Variants in ZNF782 observed in about 807,000 individuals in gnomAD.
ZNF782 encodes zinc finger protein 782.
Under a neutral mutation model 13.0 loss-of-function variants are expected in ZNF782, and 12 were observed. The ratio of observed to expected loss-of-function variants is 0.92; its 90% CI spans 0.59 to 1.50. The LOEUF (loss-of-function observed/expected upper bound fraction) is 1.50. Ranked by LOEUF, ZNF782 falls within the 40% of genes most tolerant of loss-of-function variation. The pLI is 0.00. For missense variants in ZNF782, 770 were observed against 822.9 expected, an observed-to-expected ratio of 0.94 and a Z score of 0.79; for synonymous variants, 284 against 283.0, an observed-to-expected ratio of 1.00 and a Z score of -0.04.
Position 96,818,503 on chromosome 9 carries a change from T to A in ZNF782, c.1520A>T (p.Lys507Ile). Residue 507 changes from lysine to isoleucine, a missense_variant, in exon 6 of 6, where the codon AAA becomes ATA. Transcript: ENST00000481138. ...RRTHTGERPY[K>I]CDECGKAFKL... ...GAAAGCTTTCCCACATTCATCACAT[T>A]TATATGGTCTTTCCCCTGTGTGAGT... 1 of 1,614,072 alleles carries A rather than the reference T, an allele frequency of 6.2e-7. No individual in the cohort carries two copies. The highest frequency in any genetic ancestry group is 8.5e-7 in the Non-Finnish European group (1 of 1,180,012).
At position 96,816,805 on chromosome 9, in the gene ZNF782, T is replaced by C. The variant is rs1850187588; in HGVS notation, c.*1118A>G. ...TTAAAATGTCAGATTTCTTATGATATTACCTGTCTGATGAGGAAGACTTTG... is the reference window on the plus strand; with the variant it reads ...TTAAAATGTCAGATTTCTTATGATACTACCTGTCTGATGAGGAAGACTTTG... On this transcript the variant is annotated 3_prime_UTR_variant, in exon 6 of 6. Transcript: ENST00000481138. The C allele has an allele frequency of 6.6e-6, 1 of 152,188 alleles. No individual in the cohort carries two copies. Among genetic ancestry groups the C allele is most frequent in the African/African-American group, 2.4e-5 (1 of 41,452 alleles). The allele number at this position is 152,188 out of a possible 1,614,324, so 9.4% of individuals were successfully genotyped here.
chr9:96,850,690 T>G lies in ZNF782; in HGVS notation c.15+1257A>C, dbSNP rs1324111594. Among the ~76,000 whole-genome samples, 1 of 152,198 alleles carries G rather than the reference T, an allele frequency of 6.6e-6. No individual in the cohort carries two copies. The highest frequency in any genetic ancestry group is 1.5e-5 in the Non-Finnish European group (1 of 68,040). ...CATTTTAAAGAAATGTTTTAAAGTA[T>G]AAAGAAAAGACAGCATTTATTATGA... On this transcript the variant is annotated intron_variant, in intron 3 of 5. Transcript: ENST00000481138. This position sits in a 1 kb window ranked among gnomAD's most constrained non-coding sequence, Gnocchi z 4.3.
upstream of ZNF782, among the ~76,000 whole-genome samples, chr9:96,877,531 TC>T (rs1851908798): frequency 6.6e-6 from 1 of 152,226 alleles, no homozygotes. Context: ...TCCGCGCGTC[TC>T]CCGCCTGGCT....
the ZNF782 span, among the ~76,000 whole-genome samples, chr9:96,913,247 G>A: frequency 4.6e-5 from 7 of 151,286 alleles, no homozygotes; most frequent in African/African-American, 1.2e-4. Context: ...CCTGGGAGGC[G>A]GAGGTTGCAG....
chr9:96,848,148 A>G (rs1851389653), intron 3 of ZNF782, among the ~76,000 whole-genome samples: 2 of 152,210 alleles, frequency 1.3e-5, no homozygotes, highest in African/African-American at 4.8e-5. Context: ...CAAACTACGC[A>G]TAGAGGGGAC....
chr9:96,878,925 C>T (rs1478257395), upstream of ZNF782, among the ~76,000 whole-genome samples: 3 of 152,180 alleles, frequency 2.0e-5, no homozygotes, highest in Non-Finnish European at 2.9e-5. Flanking sequence ...CACCAGATAG[C>T]AAGCATTTTT....
chr9:96,846,941 CA>C (rs912644505), intron 3 of ZNF782, among the ~76,000 whole-genome samples: 13 of 152,128 alleles, frequency 8.5e-5, no homozygotes, highest in Non-Finnish European at 1.2e-4. Flanking sequence ...TGATAGGCCA[CA>C]AAACAAGTCT....
chr9:96,891,142 T>C, the ZNF782 span: 3 of 152,196 alleles, frequency 2.0e-5, no homozygotes, highest in Admixed American at 6.5e-5. Context: ...TGCGGAGTTA[T>C]TGCTCTTTGG....
intron 1 of ZNF782, among the ~76,000 whole-genome samples, chr9:96,873,388 C>T (rs146667125): frequency 7.8e-4 from 119 of 152,226 alleles, no homozygotes; most frequent in African/African-American, 2.6e-3. Context: ...GGGCACTGGA[C>T]ATAAATCCAT....
At chr9:96,881,858 T>G in the ZNF782 span, among the ~76,000 whole-genome samples, 1 of 152,058 alleles carries the variant, frequency 6.6e-6, no homozygotes, top group Non-Finnish European at 1.5e-5. Context: ...GTAAATCCTC[T>G]AGCTTTGTTT....
At chr9:96,872,485 C>G (rs528690793) in intron 1 of ZNF782, among the ~76,000 whole-genome samples, 80 of 151,454 alleles carry the variant, frequency 5.3e-4, no homozygotes, top group African/African-American at 1.8e-3. Flanking sequence ...GAGCCAAGAT[C>G]GCGCCACTGC....
Position 96,818,364 on chromosome 9 carries a change from A to G in ZNF782, c.1659T>C (p.His553=), listed in dbSNP as rs766742098. The part of the protein sequence containing the change: ...FGQKSQLRGH[H]RIHTGEKPYK... ...AGGGTTTTTCCCCTGTGTGAATTCT[A>G]TGATGTCCTCTGAGTTGTGATTTCT... The change falls in exon 6 of 6, where the codon CAT becomes CAC. Residue 553 remains histidine (H), a synonymous_variant. Transcript: ENST00000481138. The G allele has an allele frequency of 1.2e-6, 2 of 1,611,960 alleles. No homozygotes were observed. Among genetic ancestry groups the G allele is most frequent in the South Asian group, 1.1e-5 (1 of 90,974 alleles).
chr9:96,821,365 A>G (rs1850410070), intron 5 of ZNF782, among the ~76,000 whole-genome samples: 1 of 152,174 alleles, frequency 6.6e-6, no homozygotes, highest in Non-Finnish European at 1.5e-5. Context: ...TTAGCCTTAG[A>G]CCTATGTAGA....
At chr9:96,833,478 T>C (rs938779601) in intron 4 of ZNF782, among the ~76,000 whole-genome samples, 8 of 152,216 alleles carry the variant, frequency 5.3e-5, no homozygotes, top group African/African-American at 1.9e-4. Flanking sequence ...TTGGTTTATC[T>C]GATGTTTTCC....
At chr9:96,897,887 C>T in the ZNF782 span, 14 of 151,902 alleles carry the variant, frequency 9.2e-5, no homozygotes, top group African/African-American at 3.2e-4. Flanking sequence ...ACTATTATTA[C>T]AAGCTTGGGG....
the ZNF782 span, among the ~76,000 whole-genome samples, chr9:96,898,406 A>G: frequency 6.8e-6 from 1 of 147,638 alleles, no homozygotes; most frequent in Non-Finnish European, 1.5e-5. Context: ...ACCACAACAT[A>G]TGACCTTCAA....
At chr9:96,911,970 C>T in the ZNF782 span, among the ~76,000 whole-genome samples, 2 of 151,744 alleles carry the variant, frequency 1.3e-5, no homozygotes, top group Non-Finnish European at 2.9e-5. Context: ...GAGGCCGAGG[C>T]GGGCAGATCA....
the ZNF782 span, among the ~76,000 whole-genome samples, chr9:96,920,213 A>G: frequency 5.3e-5 from 8 of 149,740 alleles, no homozygotes; most frequent in Middle Eastern, 3.2e-3. Flanking sequence ...GTATACCCCA[A>G]TGTCCCTTTC....
chr9:96,826,292 C>A (rs914726031), intron 5 of ZNF782, among the ~76,000 whole-genome samples: 1 of 151,740 alleles, frequency 6.6e-6, no homozygotes, highest in Non-Finnish European at 1.5e-5. Context: ...AGTAAACTAT[C>A]GCAAGAACAA....
Sources: allele counts gnomAD v4.1 joint callset (sites outside exome capture counted in the v4.1 genomes callset), GRCh38; gene constraint gnomAD v4.1.1; non-coding constraint Gnocchi (gnomAD v3.1); transcripts MANE v1.5; gene names NCBI Gene and HGNC (gene_info 2026-07-23, HGNC 2026-07-21).